The following TTC6 variants were observed in gnomAD, a reference collection of about 807,000 sequenced individuals.
TTC6 encodes tetratricopeptide repeat domain 6.
TTC6 carries 172 observed loss-of-function variants against 210.4 expected under a neutral mutation model. The ratio of observed to expected loss-of-function variants is 0.82; its 90% CI spans 0.72 to 0.93. The LOEUF is 0.93. TTC6 is among the 40% of genes least tolerant of loss of function. The pLI, the probability that TTC6 is intolerant of heterozygous loss-of-function variation, is 0.00. For missense variants in TTC6, 2,414 were observed against 2,318.1 expected, an observed-to-expected ratio of 1.04 and a Z score of -0.85; for synonymous variants, 804 against 819.6, an observed-to-expected ratio of 0.98 and a Z score of 0.32.
chr14:37,633,647 C>A (rs1035260061), intron 1 of TTC6, among the ~76,000 whole-genome samples: 10 of 152,202 alleles, frequency 6.6e-5, no homozygotes, highest in African/African-American at 2.4e-4. Flanking sequence ...CGGGCTGTTA[C>A]AAGTTCCCCC....
intron 1 of TTC6, among the ~76,000 whole-genome samples, chr14:37,650,090 A>G (rs1357712574): frequency 2.0e-5 from 3 of 152,232 alleles, no homozygotes; most frequent in Non-Finnish European, 4.4e-5. Flanking sequence ...AAAATCTGCT[A>G]TACTCATTCC....
chr14:37,734,098 T>C (rs976665888), intron 7 of TTC6, among the ~76,000 whole-genome samples: 3 of 152,184 alleles, frequency 2.0e-5, no homozygotes, highest in African/African-American at 7.2e-5. Context: ...AATGGCATTA[T>C]GGCATTTTCT....
intron 1 of TTC6, among the ~76,000 whole-genome samples, chr14:37,658,508 G>A (rs2095729725): frequency 6.6e-6 from 1 of 152,138 alleles, no homozygotes; most frequent in Non-Finnish European, 1.5e-5. Flanking sequence ...GCCCTGGGTA[G>A]CTGGGAGCTG....
At chr14:37,785,989 T>G (rs1435693663) in intron 14 of TTC6, among the ~76,000 whole-genome samples, 3 of 152,134 alleles carry the variant, frequency 2.0e-5, no homozygotes, top group African/African-American at 4.8e-5. Flanking sequence ...CTCTGGAAGC[T>G]TTGTCTCAGA....
At chr14:37,691,532 A>G (rs1453489826) in intron 3 of TTC6, among the ~76,000 whole-genome samples, 1 of 152,172 alleles carries the variant, frequency 6.6e-6, no homozygotes, top group Non-Finnish European at 1.5e-5. Flanking sequence ...AAACCTGTGG[A>G]TGCAACAAAA....
chr14:37,798,259 A>G (rs2096097213), intron 20 of TTC6, among the ~76,000 whole-genome samples: 1 of 152,084 alleles, frequency 6.6e-6, no homozygotes, highest in Admixed American at 6.6e-5. Context: ...TGAATTCTTT[A>G]GTTTATGATC....
At chr14:37,596,307 AG>A (rs1487566201) in intron 1 of TTC6, among the ~76,000 whole-genome samples, 1 of 152,230 alleles carries the variant, frequency 6.6e-6, no homozygotes, top group African/African-American at 2.4e-5. Context: ...TGGGAGAGCA[AG>A]GGCCTGGGCG....
intron 1 of TTC6, among the ~76,000 whole-genome samples, chr14:37,640,798 C>T (rs1182959490): frequency 1.3e-5 from 2 of 152,190 alleles, no homozygotes; most frequent in African/African-American, 4.8e-5. Flanking sequence ...CTGCTTCGGC[C>T]TCCCAAAGTG....
At chr14:37,616,907 G>C (rs2095643683) in intron 2 of TTC6, among the ~76,000 whole-genome samples, 1 of 152,016 alleles carries the variant, frequency 6.6e-6, no homozygotes, top group African/African-American at 2.4e-5. Context: ...TTAAGACAGA[G>C]TCTTTGTCAC....
Position 37,695,479 on chromosome 14 carries a change from T to C in TTC6, c.1258-1238T>C, listed in dbSNP as rs372533174. ...GAATGATTCTCCTGCCTCAGTCTCCTGAGTAGCTGGGATTACAGGCATGCA... is the reference window on the plus strand; with the variant it reads ...GAATGATTCTCCTGCCTCAGTCTCCCGAGTAGCTGGGATTACAGGCATGCA... On this transcript the variant is annotated intron_variant, in intron 3 of 30. Coordinates refer to ENST00000553443, the Ensembl canonical transcript of TTC6. 1.4e-4 allele frequency among the ~76,000 whole-genome samples: 21 copies of C among 152,150 alleles called. No homozygotes were observed. The East Asian group carries it at 2.5e-3, about 18-fold the overall frequency.
intron 17 of TTC6, among the ~76,000 whole-genome samples, chr14:37,794,968 G>A (rs1274114395): frequency 6.6e-5 from 10 of 151,972 alleles, no homozygotes; most frequent in Admixed American, 5.9e-4. Context: ...TGATAAAAGA[G>A]AACACAAACA....
At chr14:37,739,573 A>T (rs2095912194) in intron 10 of TTC6, among the ~76,000 whole-genome samples, 1 of 131,792 alleles carries the variant, frequency 7.6e-6, no homozygotes, top group Non-Finnish European at 1.8e-5. Flanking sequence ...CATCTTAAAA[A>T]AAAAAAAAAA....
chr14:37,761,865 A>G (rs547699699), intron 14 of TTC6, among the ~76,000 whole-genome samples: 6 of 152,278 alleles, frequency 3.9e-5, no homozygotes, highest in Admixed American at 1.3e-4. Context: ...TGATACATGT[A>G]TACAATCTGT....
At chr14:37,603,702 A>G (rs769602712) in intron 1 of TTC6, among the ~76,000 whole-genome samples, 15 of 152,118 alleles carry the variant, frequency 9.9e-5, no homozygotes, top group Non-Finnish European at 1.8e-4. Context: ...AGCACTCTAC[A>G]CACTCCTCTC....
At chr14:37,756,463 T>A (rs2095968080) in intron 14 of TTC6, among the ~76,000 whole-genome samples, 2 of 152,292 alleles carry the variant, frequency 1.3e-5, no homozygotes, top group South Asian at 4.1e-4. Context: ...TTGGCCATTC[T>A]GTGTGATATA....
chr14:37,622,076 C>A, exon 1 of TTC6: 1 of 1,527,606 alleles, frequency 6.5e-7, no homozygotes, highest in Non-Finnish European at 8.8e-7. Context: ...TGTCCACAAT[C>A]CCGAGACACT....
intron 1 of TTC6, among the ~76,000 whole-genome samples, chr14:37,650,779 T>G (rs1447692356): frequency 6.6e-6 from 1 of 152,234 alleles, no homozygotes; most frequent in Admixed American, 6.5e-5. Context: ...TAATCCGTAT[T>G]CTTAGCATGG....
chr14:37,811,998 A>G (rs1200389317), intron 24 of TTC6, among the ~76,000 whole-genome samples: 3 of 152,206 alleles, frequency 2.0e-5, no homozygotes, highest in Non-Finnish European at 4.4e-5. Context: ...TCATTTGATG[A>G]AACTACCCAG....
chr14:37,831,469 G>C (rs1384599510), intron 29 of TTC6, among the ~76,000 whole-genome samples: 1 of 152,084 alleles, frequency 6.6e-6, no homozygotes, highest in East Asian at 1.9e-4. Flanking sequence ...TCATATGATA[G>C]TTCTATTGTT....
Sources: gnomAD v4.1 joint callset for allele counts (sites outside exome capture counted in the v4.1 genomes callset) on GRCh38, gnomAD v4.1.1 for gene constraint, MANE v1.5 for transcripts, NCBI Gene and HGNC (gene_info 2026-07-23, HGNC 2026-07-21) for gene names.